The following INTU variants were observed in gnomAD, a reference collection of about 807,000 sequenced individuals.
INTU encodes inturned planar cell polarity protein, also known as protein inturned.
In INTU, 68 loss-of-function variants were observed where a neutral mutation model predicts 100.5. The observed-to-expected ratio is 0.68, with a 90% CI of 0.56 to 0.83. INTU has a LOEUF of 0.83. INTU is among the 40% of genes least tolerant of loss of function. The probability of loss-of-function intolerance (pLI) is 0.00; values close to 1 mark genes in which losing one functional copy is unlikely to be tolerated. For synonymous variants in INTU, 357 were observed against 395.7 expected, an observed-to-expected ratio of 0.90 and a Z score of 1.16; for missense variants, 1,071 against 1,114.7, an observed-to-expected ratio of 0.96 and a Z score of 0.56.
At chr4:127,665,623 C>A (rs921322002) in intron 4 of INTU, among the ~76,000 whole-genome samples, 5 of 152,056 alleles carry the variant, frequency 3.3e-5, no homozygotes, top group Non-Finnish European at 7.4e-5. Context: ...GATCTCATTT[C>A]ATTTAACTGT....
Position 127,663,577 on chromosome 4 carries a change from A to G in INTU, c.965A>G (p.Lys322Arg), listed in dbSNP as rs1476354330. The G allele has an allele frequency of 6.2e-7, 1 of 1,612,828 alleles. No homozygotes were observed. The highest frequency in any genetic ancestry group is 1.7e-5 in the Admixed American group (1 of 59,892). ...CTACAGCTCGACTCAGAAACCTCAA[A>G]GGAAGAGGTGAGTGTCCTCAAAAGT... ...LTLQLDSETSKEEQEILYHYP... is the reference protein window; with the variant it reads ...LTLQLDSETSREEQEILYHYP... Residue 322 changes from lysine to arginine, a missense_variant, in exon 4 of 16, where the codon AAG (lysine) becomes AGG (arginine). Transcript: ENST00000335251.
chr4:127,682,967 T>C (rs1364916808), intron 6 of INTU, among the ~76,000 whole-genome samples: 2 of 152,080 alleles, frequency 1.3e-5, no homozygotes, highest in African/African-American at 4.8e-5. Context: ...AAGGCAGACC[T>C]GGATAAGGAA....
intron 6 of INTU, among the ~76,000 whole-genome samples, chr4:127,682,687 T>A (rs1447520838): frequency 6.6e-6 from 1 of 151,544 alleles, no homozygotes; most frequent in Non-Finnish European, 1.5e-5. Context: ...ATGGCACATG[T>A]ATACATATGT....
chr4:127,709,579 C>T (rs1731016123), intron 13 of INTU, among the ~76,000 whole-genome samples: 1 of 152,154 alleles, frequency 6.6e-6, no homozygotes, highest in Admixed American at 6.6e-5. Flanking sequence ...TTCTTGTGCA[C>T]TTATGTGGTG....
At chr4:127,655,223 C>T (rs58578208) in intron 2 of INTU, among the ~76,000 whole-genome samples, 2,748 of 151,898 alleles carry the variant, frequency 0.018, 78 homozygotes, top group African/African-American at 0.063. Flanking sequence ...TCTCTCAGCT[C>T]GTCAAAGTCA....
rs1372026414 is a variant in INTU at position 127,719,565 on chromosome 4, T to C, written c.*3129T>C. On this transcript the variant is annotated 3_prime_UTR_variant, in exon 16 of 16. Coordinates refer to ENST00000335251, the MANE Select transcript of INTU (RefSeq NM_015693.4). ...TAGTTTCAGAAGAAGTGGTATCAGC[T>C]TCTTTTTGTATTTCTGGCAGAATTC... is the stretch of plus-strand genomic sequence containing the variant. 6.6e-6 allele frequency: 1 copy of C among 152,218 alleles called. No homozygotes were observed. The highest frequency in any genetic ancestry group is 1.5e-5 in the Non-Finnish European group (1 of 68,038). The allele number at this position is 152,218 out of a possible 1,614,324, so 9.4% of individuals were successfully genotyped here.
chr4:127,726,227 G>C lies in INTU; in HGVS notation c.*9791G>C, dbSNP rs1684408801. 1 of 151,978 alleles carries C rather than the reference G, an allele frequency of 6.6e-6. No homozygotes were observed. Among genetic ancestry groups the C allele is most frequent in the African/African-American group, 2.4e-5 (1 of 41,376 alleles). 9.4% of individuals were successfully genotyped at this position (151,978 alleles called of 1,614,324 possible). A position where few individuals can be genotyped will look rare whatever the true frequency, so the allele number is the denominator to read the frequency against. On this transcript the variant is annotated 3_prime_UTR_variant, in exon 16 of 16. Transcript: ENST00000335251. ...CCTAGTAAGGGAATGTTTCTTATTT[G>C]TGCCAAGGGACTATTGATGATGCTG... is the stretch of plus-strand genomic sequence containing the variant.
At position 127,708,592 on chromosome 4, in the gene INTU, C is replaced by G. The variant is rs1730979581; in HGVS notation, c.2293C>G (p.Leu765Val). 6.3e-7 allele frequency: 1 copy of G among 1,593,718 alleles called. No homozygotes were observed. Among genetic ancestry groups the G allele is most frequent in the Non-Finnish European group, 8.6e-7 (1 of 1,164,688 alleles). ...TCAGGTCACTAAAAAGAAGTCTACTCTTCCAAATCCATTTCATTTGGGAAA... is the reference window on the plus strand; with the variant it reads ...TCAGGTCACTAAAAAGAAGTCTACTGTTCCAAATCCATTTCATTTGGGAAA... ...LLKVTKKKST[L>V]PNPFHLGNLK... is the part of the protein sequence containing the mutation. Residue 765 changes from leucine (L) to valine (V), a missense_variant, in exon 13 of 16, where the codon CTT becomes GTT. Transcript: ENST00000335251.
chr4:127,720,969 A>G lies in INTU; in HGVS notation c.*4533A>G, dbSNP rs1161444190. The G allele has an allele frequency of 1.3e-5, 2 of 152,118 alleles. No homozygotes were observed. Among genetic ancestry groups the G allele is most frequent in the Non-Finnish European group, 2.9e-5 (2 of 68,010 alleles). 9.4% of individuals were successfully genotyped at this position (152,118 alleles called of 1,614,324 possible). On this transcript the variant is annotated 3_prime_UTR_variant, in exon 16 of 16. Transcript: ENST00000335251. ...TATTTGGGGCATTTAGTGCATTTACATTTAAGGTTAATATTGTTATGTGTG... is the reference window on the plus strand; with the variant it reads ...TATTTGGGGCATTTAGTGCATTTACGTTTAAGGTTAATATTGTTATGTGTG...
chr4:127,651,800 T>C (rs1727894573), intron 2 of INTU, among the ~76,000 whole-genome samples: 1 of 151,204 alleles, frequency 6.6e-6, no homozygotes, highest in Admixed American at 6.6e-5. Flanking sequence ...ATCTGTAAAT[T>C]ACCTTGGGCA....
At chr4:127,662,012 T>C (rs1728499353) in intron 3 of INTU, among the ~76,000 whole-genome samples, 1 of 152,172 alleles carries the variant, frequency 6.6e-6, no homozygotes, top group African/African-American at 2.4e-5. Flanking sequence ...CCTCATTTTA[T>C]TTTAACTTGC....
intron 3 of INTU, among the ~76,000 whole-genome samples, chr4:127,662,865 T>A (rs1728532181): frequency 6.6e-6 from 1 of 152,206 alleles, no homozygotes. Flanking sequence ...TTGGCCTTTG[T>A]TTTAAAGAAC....
chr4:127,634,816 C>G (rs982458165), intron 1 of INTU, among the ~76,000 whole-genome samples: 4 of 152,150 alleles, frequency 2.6e-5, no homozygotes, highest in Non-Finnish European at 5.9e-5. Flanking sequence ...GGTTAATTTG[C>G]TGAACTTACC....
chr4:127,715,614 T>A (rs898932879), intron 15 of INTU, among the ~76,000 whole-genome samples: 1 of 152,168 alleles, frequency 6.6e-6, no homozygotes, highest in Non-Finnish European at 1.5e-5. Flanking sequence ...GCTGGAAGAT[T>A]AAACAGGGAG....
chr4:127,640,653 G>A (rs1727291908), intron 1 of INTU, among the ~76,000 whole-genome samples: 1 of 138,254 alleles, frequency 7.2e-6, no homozygotes, highest in African/African-American at 2.7e-5. Context: ...GGAAAAACAA[G>A]AACTGAACAC....
chr4:127,699,071 T>G (rs1380942189), intron 8 of INTU, among the ~76,000 whole-genome samples: 1 of 152,048 alleles, frequency 6.6e-6, no homozygotes, highest in Non-Finnish European at 1.5e-5. Flanking sequence ...TGCCTTGGCC[T>G]TTAAAGAAAA....
At chr4:127,681,343 C>T (rs1729536163) in intron 6 of INTU, among the ~76,000 whole-genome samples, 2 of 152,174 alleles carry the variant, frequency 1.3e-5, no homozygotes, top group Admixed American at 6.5e-5. Flanking sequence ...CCCTACCTGA[C>T]TTCAAACTAT....
chr4:127,645,254 A>G (rs1727522524), intron 2 of INTU, among the ~76,000 whole-genome samples: 1 of 152,152 alleles, frequency 6.6e-6, no homozygotes, highest in Non-Finnish European at 1.5e-5. Flanking sequence ...CATGTGACTT[A>G]AGAGGTTGGA....
intron 4 of INTU, 25 bp downstream of exon 4, chr4:127,663,609 G>A: frequency 6.3e-7 from 1 of 1,596,632 alleles, no homozygotes; most frequent in Non-Finnish European, 8.6e-7. Context: ...AAGTCCAAAG[G>A]AAATAAGTTT....
Sources: allele counts gnomAD v4.1 joint callset (sites outside exome capture counted in the v4.1 genomes callset), GRCh38; gene constraint gnomAD v4.1.1; transcripts MANE v1.5; gene names NCBI Gene and HGNC (gene_info 2026-07-23, HGNC 2026-07-21).